The following NCAPD2 variants were observed in gnomAD, a reference collection of about 807,000 sequenced individuals.
The protein encoded by NCAPD2 is condensin complex subunit 1.
Under a neutral mutation model 164.5 loss-of-function variants are expected in NCAPD2, and 100 were observed. The observed-to-expected ratio is 0.61, with a 90% CI of 0.52 to 0.72. NCAPD2 has a LOEUF of 0.72. Ranked by LOEUF, NCAPD2 falls within the 30% of genes least tolerant of loss-of-function variation. The pLI, the probability that NCAPD2 is intolerant of heterozygous loss-of-function variation, is 0.00. For missense variants in NCAPD2, 1,560 were observed against 1,749.2 expected (o/e 0.89, Z 1.93); for synonymous variants, 585 against 642.6 (o/e 0.91, Z 1.36).
intron 2 of NCAPD2, among the ~76,000 whole-genome samples, chr12:6,499,389 G>GT (rs773184985): frequency 1.1e-4 from 16 of 151,618 alleles, no homozygotes; most frequent in South Asian, 4.2e-4. Flanking sequence ...TTCTTGGGGG[G>GT]TTTTTTTGTT....
chr12:6,503,709 T>G (rs1471936457), intron 2 of NCAPD2, among the ~76,000 whole-genome samples: 1 of 150,618 alleles, frequency 6.6e-6, no homozygotes, highest in Non-Finnish European at 1.5e-5. Context: ...AGCCGGAGGT[T>G]GTAGTGAGCC....
chr12:6,511,244 A>G lies in NCAPD2; in HGVS notation c.579A>G (p.Glu193=). ...HLWNHSIIEE[E]FVSLVTGCCY... is the part of the protein sequence containing the mutation. ...GGAACCACTCAATAATTGAAGAAGA[A>G]TTTGTCAGGTGGGTAGGGAGGATGG... is the stretch of plus-strand genomic sequence containing the variant. Residue 193 remains glutamate, a synonymous_variant, in exon 6 of 32, where the codon GAA becomes GAG. Transcript: ENST00000315579. 6.2e-7 allele frequency: 1 copy of G among 1,614,176 alleles called. No individual in the cohort carries two copies. Among genetic ancestry groups the G allele is most frequent in the African/African-American group, 1.3e-5 (1 of 75,048 alleles).
rs143666333 is a variant in NCAPD2 at position 6,517,374 on chromosome 12, C to A, written c.1195C>A (p.Leu399Met). Residue 399 changes from leucine to methionine, a missense_variant, in exon 11 of 32, where the codon CTG becomes ATG. Physicochemically the swap from Leu to Met is conservative, Grantham distance 15 (BLOSUM62 2). Coordinates refer to ENST00000315579, the MANE Select transcript of NCAPD2 (RefSeq NM_014865.4). ...TTCCTACCCTACACAGGCTCTCCCC[C>A]TGACACGTTTCCAGGCAGTGGTGGC... is the stretch of plus-strand genomic sequence containing the variant. ...TRIVQQKALP[L>M]TRFQAVVALA... 1.9e-6 allele frequency: 3 copies of A among 1,613,968 alleles called. No homozygotes were observed. The highest frequency in any genetic ancestry group is 2.5e-6 in the Non-Finnish European group (3 of 1,179,982).
intron 14 of NCAPD2, 127 bp downstream of exon 14, chr12:6,521,237 AT>A: frequency 8.4e-7 from 1 of 1,187,930 alleles, no homozygotes; most frequent in Non-Finnish European, 1.2e-6. Flanking sequence ...ATGAATTGGC[AT>A]TACTTTTGCT....
chr12:6,517,325 G>A (rs756963617), intron 10 of NCAPD2, 40 bp from the exon 11 acceptor site: 3 of 1,603,818 alleles, frequency 1.9e-6, no homozygotes. Flanking sequence ...AATGGATGAT[G>A]TGGGACTTGA....
intron 16 of NCAPD2, 43 bp downstream of exon 16, chr12:6,523,045 G>C (rs1178290793): frequency 6.2e-7 from 1 of 1,605,906 alleles, no homozygotes. Flanking sequence ...TCCAAGGTCA[G>C]CTTCTCACAG....
chr12:6,528,139 A>G lies in NCAPD2; in HGVS notation c.3144-34A>G, dbSNP rs1174583292. ...CCTTCTCAAGGAAGATGGGGATGAA[A>G]TGGCTTCCCTAATGATCCTCTTCTT... On this transcript the variant is annotated intron_variant, in intron 24 of 31. Coordinates refer to ENST00000315579, the MANE Select transcript of NCAPD2 (RefSeq NM_014865.4). This position sits in a 1 kb window ranked among gnomAD's most constrained non-coding sequence, Gnocchi z 5.1. 1.2e-6 allele frequency: 2 copies of G among 1,614,042 alleles called. No homozygotes were observed. Among genetic ancestry groups the G allele is most frequent in the East Asian group, 2.2e-5 (1 of 44,900 alleles).
Position 6,530,972 on chromosome 12 carries a change from C to T in NCAPD2, c.4016C>T (p.Thr1339Ile). The change falls in exon 31 of 32, where the codon ACA becomes ATA. Residue 1339 changes from threonine (T) to isoleucine (I), a missense_variant. Coordinates refer to ENST00000315579, the MANE Select transcript of NCAPD2 (RefSeq NM_014865.4). ...ASTASDNDFV[T>I]PEPRRTTRRH... ...ACAGCCTCAGACAATGACTTTGTCA[C>T]ACCAGAGCCCCGCCGTACTACCCGT... 1 of 1,614,204 alleles carries T rather than the reference C, an allele frequency of 6.2e-7. No homozygotes were observed. Among genetic ancestry groups the T allele is most frequent in the Non-Finnish European group, 8.5e-7 (1 of 1,180,044 alleles).
intron 13 of NCAPD2, among the ~76,000 whole-genome samples, chr12:6,520,719 TA>T (rs1298059009): frequency 1.3e-5 from 2 of 152,200 alleles, no homozygotes; most frequent in African/African-American, 4.8e-5. Flanking sequence ...TAAAAAGCCT[TA>T]TTGGAGTTTT....
rs535649097 is a variant in NCAPD2, at chr12:6,510,693, T to C, written c.327T>C (p.Asp109=). 278 of 1,614,172 alleles carry C rather than the reference T, an allele frequency of 1.7e-4. 5 individuals carry two copies. In the South Asian group the frequency reaches 2.9e-3, roughly 17 times the overall value. The change falls in exon 5 of 32, where the codon GAT becomes GAC. Residue 109 remains aspartate (D), a synonymous_variant. Transcript: ENST00000315579. ...ILDDTTLSGS[D]RNAHLNALKM... is the part of the protein sequence containing the mutation. ...ATGATACAACTTTGAGTGGATCAGA[T>C]AGAAACGCCCATCTAAATGCCCTCA...
At chr12:6,497,918 C>CTTTT (rs71067120) in intron 2 of NCAPD2, among the ~76,000 whole-genome samples, 1 of 140,062 alleles carries the variant, frequency 7.1e-6, no homozygotes. Flanking sequence ...CGCCCAGCCA[C>CTTTT]TTTTTTTTTT....
rs1304451900 is a variant in NCAPD2, at chr12:6,510,057, ACTTT to A, written c.204-12_204-9del. The A allele has an allele frequency of 6.2e-7, 1 of 1,611,390 alleles. No individual in the cohort carries two copies. Among genetic ancestry groups the A allele is most frequent in the Admixed American group, 1.7e-5 (1 of 59,994 alleles). On this transcript the variant is annotated splice_polypyrimidine_tract_variant and intron_variant, in intron 3 of 31. Coordinates refer to ENST00000315579, the MANE Select transcript of NCAPD2 (RefSeq NM_014865.4). Reference sequence around the variant, plus strand: ...AGGCTCCTTCCTGTCTCACCCCCACACTTTCTTTCCCTCATAGTCACTTTCGAAG... The same window carrying A: ...AGGCTCCTTCCTGTCTCACCCCCACACTTTCCCTCATAGTCACTTTCGAAG...
intron 9 of NCAPD2, among the ~76,000 whole-genome samples, chr12:6,516,150 C>T (rs1251279959): frequency 3.4e-5 from 5 of 146,352 alleles, no homozygotes; most frequent in South Asian, 4.3e-4. Context: ...GAGCCGAGAT[C>T]GCACCACTGC....
In NCAPD2 at chr12:6,494,570, G is replaced by GCCCA. The variant is rs529376495; in HGVS notation, c.-24+418_-24+421dup. Among the ~76,000 whole-genome samples the GCCCA allele has an allele frequency of 2.0e-4, 30 of 152,312 alleles. No homozygotes were observed. The East Asian group carries it at 5.8e-3, about 29-fold the overall frequency. Reference sequence around the variant, plus strand: ...TGCTCTTACCATTCTGGTGCAGGAAGCCCACTAGCCCATGCTGGGGCACTG... The same window carrying GCCCA: ...TGCTCTTACCATTCTGGTGCAGGAAGCCCACCCACTAGCCCATGCTGGGGCACTG... On this transcript the variant is annotated intron_variant, in intron 1 of 31. Coordinates refer to ENST00000315579, the MANE Select transcript of NCAPD2 (RefSeq NM_014865.4).
intron 2 of NCAPD2, among the ~76,000 whole-genome samples, chr12:6,507,550 G>A (rs564685364): frequency 6.6e-6 from 1 of 152,312 alleles, no homozygotes; most frequent in South Asian, 2.1e-4. Flanking sequence ...CATTTGCCGG[G>A]GTCGGGTTGC....
At chr12:6,518,510 T>TTTTTTTTTTTTTTTTTTTTTTTG (rs1946229639) in intron 13 of NCAPD2, among the ~76,000 whole-genome samples, 1 of 50,296 alleles carries the variant, frequency 2.0e-5, no homozygotes, top group African/African-American at 1.1e-4. Context: ...ACAAGTTTTT[T>TTTTTTTTTTTTTTTTTTTTTTTG]TTTTTTTTTT....
intron 2 of NCAPD2, among the ~76,000 whole-genome samples, chr12:6,509,355 G>T (rs1946124930): frequency 6.6e-6 from 1 of 152,050 alleles, no homozygotes; most frequent in African/African-American, 2.4e-5. Context: ...TCCACCTCTT[G>T]GGTTCAAGCA....
At position 6,531,548 on chromosome 12, in the gene NCAPD2, G is replaced by A. The variant is rs1206047114; in HGVS notation, c.*136G>A. 2.0e-6 allele frequency: 3 copies of A among 1,507,296 alleles called. No homozygotes were observed. In the African/African-American group the frequency reaches 4.2e-5, roughly 21 times the overall value. 93.4% of individuals were successfully genotyped at this position (1,507,296 alleles called of 1,614,324 possible). A position where few individuals can be genotyped will look rare whatever the true frequency, so the allele number is the denominator to read the frequency against. ...AGGCCGGGCACTGTGGCTCACGCCT[G>A]TAATCCCAGCACTTTGCGATACCAA... is the stretch of plus-strand genomic sequence containing the variant. On this transcript the variant is annotated 3_prime_UTR_variant, in exon 32 of 32. Transcript: ENST00000315579. The surrounding 1 kb of genome is among the most constrained non-coding windows in gnomAD (Gnocchi z 4.1).
intron 6 of NCAPD2, among the ~76,000 whole-genome samples, chr12:6,511,965 CAA>C (rs1056508409): frequency 1.3e-4 from 19 of 148,056 alleles, no homozygotes; most frequent in African/African-American, 3.3e-4. Context: ...TCCTGGGCGA[CAA>C]GAGCAAAATC....
Sources: gnomAD v4.1 joint callset for allele counts (sites outside exome capture counted in the v4.1 genomes callset) on GRCh38, gnomAD v4.1.1 for gene constraint, Gnocchi (gnomAD v3.1) non-coding constraint, MANE v1.5 for transcripts, NCBI Gene and HGNC (gene_info 2026-07-23, HGNC 2026-07-21) for gene names.